Variants in ARID5B observed in about 807,000 individuals in gnomAD.
The protein encoded by ARID5B is AT-rich interactive domain-containing protein 5B.
A neutral mutation model predicts 97.2 loss-of-function variants in ARID5B; 13 were observed. That is an observed-to-expected ratio of 0.13 (90% CI 0.09 to 0.21). The LOEUF is 0.21. Ranked by LOEUF, ARID5B falls within the 10% of genes least tolerant of loss-of-function variation. ARID5B has a pLI of 1.00. For synonymous variants in ARID5B, 556 were observed against 570.3 expected (o/e 0.97, Z 0.36); for missense variants, 1,210 against 1,465.3 (o/e 0.83, Z 2.84).
intron 5 of ARID5B, among the ~76,000 whole-genome samples, chr10:62,052,895 G>A (rs1239803299): frequency 6.6e-6 from 1 of 152,170 alleles, no homozygotes; most frequent in Non-Finnish European, 1.5e-5. Context: ...CTAGGGACTG[G>A]TCTAATGGCT....
At chr10:61,950,364 G>C (rs746780494) in intron 3 of ARID5B, among the ~76,000 whole-genome samples, 10 of 152,074 alleles carry the variant, frequency 6.6e-5, no homozygotes, top group Admixed American at 5.9e-4. Context: ...CTGTACCTCA[G>C]ATGTGCTTTT....
chr10:62,082,298 G>T (rs1840223635), intron 8 of ARID5B, among the ~76,000 whole-genome samples: 1 of 151,986 alleles, frequency 6.6e-6, no homozygotes, highest in Admixed American at 6.6e-5. Context: ...AATAATAAAG[G>T]CCCATTTATC....
intron 3 of ARID5B, among the ~76,000 whole-genome samples, chr10:61,991,284 T>A (rs77127248): frequency 0.017 from 2,540 of 152,312 alleles, 32 homozygotes; most frequent in Non-Finnish European, 0.025. Context: ...TTTTTCATCA[T>A]GGCTGCACCA....
chr10:61,981,303 A>G (rs1838773894), intron 3 of ARID5B, among the ~76,000 whole-genome samples: 1 of 152,036 alleles, frequency 6.6e-6, no homozygotes, highest in African/African-American at 2.4e-5. Context: ...TTGTTTGGAG[A>G]CAGAGTCTTG....
chr10:62,080,152 C>A (rs1239090135), intron 8 of ARID5B, among the ~76,000 whole-genome samples: 1 of 152,126 alleles, frequency 6.6e-6, no homozygotes, highest in African/African-American at 2.4e-5. Flanking sequence ...TGGTTTGGTG[C>A]CCCAGACTTT....
intron 4 of ARID5B, among the ~76,000 whole-genome samples, chr10:62,039,355 T>G (rs371946824): frequency 1.3e-5 from 2 of 152,256 alleles, no homozygotes; most frequent in Non-Finnish European, 2.9e-5. Flanking sequence ...GGTCTAAGCC[T>G]TTCTGCATGT....
intron 3 of ARID5B, among the ~76,000 whole-genome samples, chr10:61,942,728 G>A (rs561265640): frequency 1.1e-3 from 160 of 152,280 alleles, no homozygotes; most frequent in African/African-American, 3.7e-3. Context: ...GGAGGCAGAG[G>A]TTGCAGTGAG....
chr10:61,952,468 A>G (rs1838336266), intron 3 of ARID5B, among the ~76,000 whole-genome samples: 1 of 152,176 alleles, frequency 6.6e-6, no homozygotes. Context: ...TATCTTCCCA[A>G]AAAGTCTTAA....
chr10:61,912,084 TC>T (rs1843815131), intron 2 of ARID5B, among the ~76,000 whole-genome samples: 2 of 152,242 alleles, frequency 1.3e-5, no homozygotes, highest in Non-Finnish European at 2.9e-5. Context: ...ACTCCATTGT[TC>T]TATTGTATTT....
At chr10:61,908,517 A>T (rs772888851) in intron 2 of ARID5B, among the ~76,000 whole-genome samples, 11 of 152,122 alleles carry the variant, frequency 7.2e-5, no homozygotes, top group Admixed American at 2.6e-4. Flanking sequence ...GATTAAGGAG[A>T]ATGGCCTCGG....
rs61201593 is a variant in ARID5B, at chr10:62,027,034, A to G, written c.734-23854A>G. On this transcript the variant is annotated intron_variant, in intron 4 of 9. Coordinates refer to ENST00000279873, the MANE Select transcript of ARID5B (RefSeq NM_032199.3). ...ACATATGCATGACAAGTTGTATCAC[A>G]GTGACAAGGTCCTGGGGTAAGAAGG... Among the ~76,000 whole-genome samples, 1,102 of 152,314 alleles carry G rather than the reference A, an allele frequency of 7.2e-3. 14 individuals are homozygous for G. The highest frequency in any genetic ancestry group is 0.025 in the African/African-American group (1,047 of 41,556).
chr10:61,993,606 G>T (rs531698553), intron 3 of ARID5B, among the ~76,000 whole-genome samples: 1 of 152,072 alleles, frequency 6.6e-6, no homozygotes, highest in Non-Finnish European at 1.5e-5. Flanking sequence ...TCATGCTTAG[G>T]TTTTCTGGAA....
intron 3 of ARID5B, among the ~76,000 whole-genome samples, chr10:61,980,331 C>T (rs1176127606): frequency 6.6e-6 from 1 of 152,150 alleles, no homozygotes; most frequent in Admixed American, 6.5e-5. Context: ...CTTCTTTGCC[C>T]ATGGTTACAA....
intron 4 of ARID5B, among the ~76,000 whole-genome samples, chr10:62,047,312 T>C (rs961569019): frequency 4.6e-5 from 7 of 152,192 alleles, no homozygotes; most frequent in Non-Finnish European, 8.8e-5. Context: ...ATTATTCACT[T>C]AGCTACTCTT....
chr10:61,980,389 A>C (rs1317588765), intron 3 of ARID5B, among the ~76,000 whole-genome samples: 1 of 152,182 alleles, frequency 6.6e-6, no homozygotes, highest in Non-Finnish European at 1.5e-5. Flanking sequence ...CCTCTTCATA[A>C]GGCATCGCCT....
At position 62,078,689 on chromosome 10, in the gene ARID5B, T is replaced by C. The variant is rs571925955; in HGVS notation, c.1200-7013T>C. Among the ~76,000 whole-genome samples the C allele has an allele frequency of 5.3e-5, 8 of 152,284 alleles. No individual in the cohort carries two copies. In the South Asian group the frequency reaches 1.7e-3, roughly 32 times the overall value. On this transcript the variant is annotated intron_variant, in intron 8 of 9. Transcript: ENST00000279873. ...GGACATAACATCAGCCTTCCTTAAG[T>C]CCATTCCAACTTTCTTCAATGTGGT...
chr10:61,902,485 G>A (rs1229062708), intron 2 of ARID5B, 72 bp downstream of exon 2: 3 of 1,564,032 alleles, frequency 1.9e-6, no homozygotes, highest in South Asian at 1.2e-5. Context: ...TACAGGGCAA[G>A]CTTGAAAATA....
At chr10:61,954,821 A>G (rs1838369350) in intron 3 of ARID5B, among the ~76,000 whole-genome samples, 1 of 152,156 alleles carries the variant, frequency 6.6e-6, no homozygotes, top group Admixed American at 6.5e-5. Context: ...AGCCTGACCA[A>G]CATGGAGAAA....
intron 8 of ARID5B, among the ~76,000 whole-genome samples, chr10:62,083,159 C>T (rs149763285): frequency 1.3e-5 from 2 of 152,006 alleles, no homozygotes; most frequent in Non-Finnish European, 2.9e-5. Context: ...AGTCATGCCT[C>T]TTTCCAGATA....
Sources: allele counts gnomAD v4.1 joint callset (sites outside exome capture counted in the v4.1 genomes callset), GRCh38; gene constraint gnomAD v4.1.1; transcripts MANE v1.5; gene names NCBI Gene and HGNC (gene_info 2026-07-23, HGNC 2026-07-21).